OR51B5: variants seen among roughly 807,000 people sequenced by gnomAD.
OR51B5 encodes the protein olfactory receptor 51B5.
For synonymous variants in OR51B5, 186 were observed against 144.8 expected, an observed-to-expected ratio of 1.28 and a Z score of -2.04; for missense variants, 456 against 374.6, an observed-to-expected ratio of 1.22 and a Z score of -1.79.
chr11:5,468,611 G>T, intron 1 of OR51B5: 1 of 453,960 alleles, frequency 2.2e-6, no homozygotes, highest in Admixed American at 2.4e-5. Context: ...ATATTCAGGA[G>T]CATGCCTCCC....
chr11:5,468,944 G>T, intron 1 of OR51B5: 1 of 353,106 alleles, frequency 2.8e-6, no homozygotes, highest in South Asian at 2.1e-5. Context: ...GAAGGGAAGT[G>T]GGAATACCAT....
chr11:5,471,812 G>C (rs1304946668), intron 1 of OR51B5, among the ~76,000 whole-genome samples: 2 of 151,990 alleles, frequency 1.3e-5, no homozygotes, highest in Admixed American at 1.3e-4. Flanking sequence ...AATTTACTTA[G>C]CTTCCTCACG....
intron 1 of OR51B5, among the ~76,000 whole-genome samples, chr11:5,483,370 G>A (rs1472220799): frequency 9.9e-6 from 1 of 100,994 alleles, no homozygotes; most frequent in Non-Finnish European, 1.9e-5. Context: ...GGTGGGGGGA[G>A]GGGGGAGGGA....
At chr11:5,422,502 CTCAGTTTTTCTTCCTTCA>C (rs1350392292) in intron 1 of OR51B5, 1 of 1,614,156 alleles carries the variant, frequency 6.2e-7, no homozygotes, top group Non-Finnish European at 8.5e-7. Flanking sequence ...GCCTGTTTTG[CTCAGTTTTTCTTCCTTCA>C]TGGATTCTCC....
chr11:5,481,683 A>G (rs1590021625), intron 1 of OR51B5, among the ~76,000 whole-genome samples: 2 of 122,384 alleles, frequency 1.6e-5, no homozygotes, highest in African/African-American at 3.6e-5. Flanking sequence ...AAATCAATGT[A>G]CAAAAATCAC....
chr11:5,479,594 A>T (rs1041714530), intron 1 of OR51B5, among the ~76,000 whole-genome samples: 7 of 151,932 alleles, frequency 4.6e-5, no homozygotes, highest in African/African-American at 1.7e-4. Flanking sequence ...AAGACCCATC[A>T]GTGTGCTGTA....
chr11:5,422,258 C>T (rs773544910), intron 1 of OR51B5: 2 of 1,613,960 alleles, frequency 1.2e-6, no homozygotes, highest in South Asian at 1.1e-5. Flanking sequence ...CACGGACATC[C>T]CTGGATTTGA....
intron 1 of OR51B5, among the ~76,000 whole-genome samples, chr11:5,366,684 A>G (rs551818828): frequency 1.5e-4 from 22 of 151,586 alleles, no homozygotes; most frequent in Admixed American, 9.9e-4. Context: ...GAAGAAGAAG[A>G]AGGAGAAGGA....
At chr11:5,379,458 A>C (rs1420439671) in intron 1 of OR51B5, among the ~76,000 whole-genome samples, 1 of 140,112 alleles carries the variant, frequency 7.1e-6, no homozygotes, top group Admixed American at 7.1e-5. Flanking sequence ...CTTAAAGTAT[A>C]ATAATAATAA....
At chr11:5,384,674 C>G (rs11037137) in intron 1 of OR51B5, among the ~76,000 whole-genome samples, 19,389 of 152,220 alleles carry the variant, frequency 0.13, 1,349 homozygotes, top group Non-Finnish European at 0.16. Flanking sequence ...TTACTCTCAT[C>G]AGAAAAACAG....
intron 1 of OR51B5, among the ~76,000 whole-genome samples, chr11:5,358,027 G>C (rs1037186064): frequency 1.4e-4 from 22 of 151,800 alleles, no homozygotes; most frequent in East Asian, 3.9e-4. Context: ...TAAACGCCCA[G>C]AAGAGAAAGC....
chr11:5,426,731 G>A (rs998278231), intron 1 of OR51B5, among the ~76,000 whole-genome samples: 1 of 152,010 alleles, frequency 6.6e-6, no homozygotes, highest in Admixed American at 6.6e-5. Flanking sequence ...CAAAACCAAG[G>A]TCTCTCTCTG....
At chr11:5,422,346 C>G (rs199925114) in intron 1 of OR51B5, 1 of 1,614,198 alleles carries the variant, frequency 6.2e-7, no homozygotes, top group African/African-American at 1.3e-5. Flanking sequence ...ACCATCCTCA[C>G]TGTCATTCGC....
At chr11:5,389,471 T>C (rs754761686) in intron 1 of OR51B5, 7 of 1,613,982 alleles carry the variant, frequency 4.3e-6, no homozygotes, top group Non-Finnish European at 5.9e-6. Context: ...CCCCATATTC[T>C]ATCTCACCAG....
At chr11:5,461,536 C>A (rs539916530) in intron 1 of OR51B5, among the ~76,000 whole-genome samples, 1 of 152,248 alleles carries the variant, frequency 6.6e-6, no homozygotes, top group Non-Finnish European at 1.5e-5. Flanking sequence ...TCCCTGCTAA[C>A]TAAGGCTAAA....
At chr11:5,371,601 T>C (rs1849449402) in intron 1 of OR51B5, among the ~76,000 whole-genome samples, 1 of 152,170 alleles carries the variant, frequency 6.6e-6, no homozygotes, top group African/African-American at 2.4e-5. Context: ...GAAATTTGAC[T>C]TGCTTCAGAT....
intron 1 of OR51B5, among the ~76,000 whole-genome samples, chr11:5,378,700 C>G (rs549814182): frequency 1.3e-5 from 2 of 152,114 alleles, no homozygotes; most frequent in African/African-American, 4.8e-5. Flanking sequence ...AACCAAAAGA[C>G]ACATGAAAAA....
intron 1 of OR51B5, chr11:5,403,611 C>T: frequency 9.6e-6 from 4 of 417,316 alleles, no homozygotes; most frequent in Admixed American, 2.6e-5. Context: ...TAACAGGTGG[C>T]CCTAGATTGC....
chr11:5,342,512 TATGAGACTTCTTTGCTCTCCTGCTAA>T, downstream of OR51B5: 4 of 1,503,624 alleles, frequency 2.7e-6, no homozygotes, highest in African/African-American at 1.4e-5. Context: ...GCATGCTAGA[TATGAGACTTCTTTGCTCTCCTGCTAA>T]ATATTAGAGT....
Sources: allele counts gnomAD v4.1 joint callset (sites outside exome capture counted in the v4.1 genomes callset), GRCh38; gene constraint gnomAD v4.1.1; transcripts MANE v1.5; gene names NCBI Gene and HGNC (gene_info 2026-07-23, HGNC 2026-07-21).